The following HMCN2 variants were observed in gnomAD, a reference collection of about 807,000 sequenced individuals.
HMCN2 encodes the protein hemicentin-2.
In HMCN2, 325 loss-of-function variants were observed where a neutral mutation model predicts 377.5. The observed-to-expected ratio is 0.86, with a 90% CI of 0.79 to 0.94. The LOEUF (loss-of-function observed/expected upper bound fraction) is 0.94, where lower values mean the gene tolerates loss of function less well. Among genes scored for constraint, HMCN2 ranks in the 40% least tolerant of loss-of-function variants. The probability of loss-of-function intolerance (pLI) is 0.00; values close to 1 mark genes in which losing one functional copy is unlikely to be tolerated. For missense variants in HMCN2, 4,543 were observed against 4,725.3 expected (o/e 0.96, Z 1.13); for synonymous variants, 2,007 against 2,046.8 (o/e 0.98, Z 0.53).
rs926449560 is a variant in HMCN2, at chr9:130,273,658, C to A, written c.259+7521C>A. 2.0e-5 allele frequency among the ~76,000 whole-genome samples: 3 copies of A among 152,188 alleles called. No homozygotes were observed. In the South Asian group the frequency reaches 6.2e-4, roughly 31 times the overall value. ...TATTATAGGCATGCGCCACCATGCC[C>A]AGCTAATTTTCGTATCTTTAGTAGA... On this transcript the variant is annotated intron_variant, in intron 1 of 97. Transcript: ENST00000683500.
intron 15 of HMCN2, 75 bp downstream of exon 15, chr9:130,310,136 G>A: frequency 2.3e-6 from 1 of 428,878 alleles, no homozygotes; most frequent in East Asian, 6.5e-5. Flanking sequence ...TGAGTAGGGA[G>A]GGGAAGCTCT....
rs1554932312 is a variant in HMCN2 at position 130,296,766 on chromosome 9, C to G, written c.984C>G (p.Leu328=). The change falls in exon 7 of 98, where the codon CTC becomes CTG. Residue 328 remains leucine (L), a synonymous_variant. Transcript: ENST00000683500. The part of the protein sequence containing the change: ...AGFSTQPLLD[L]NHTLEWPLQG... The stretch of plus-strand genomic sequence containing the variant: ...TCTCCACTCAGCCCTTGCTGGACCT[C>G]AACCACACCCTCGAGTGGCCCTTGC... 1 of 471,142 alleles carries G rather than the reference C, an allele frequency of 2.1e-6. No homozygotes were observed. The highest frequency in any genetic ancestry group is 2.0e-5 in the African/African-American group (1 of 50,096). The allele number at this position is 471,142 out of a possible 1,614,324, so 29.2% of individuals were successfully genotyped here.
chr9:130,354,709 G>A (rs1839926388), intron 31 of HMCN2, 54 bp from the exon 32 acceptor site: 5 of 1,241,622 alleles, frequency 4.0e-6, no homozygotes, highest in Non-Finnish European at 5.2e-6. Flanking sequence ...GCTGAGATGA[G>A]AGCAGGCTAG....
At chr9:130,341,766 A>C (rs1243800260) in intron 24 of HMCN2, among the ~76,000 whole-genome samples, 1 of 152,148 alleles carries the variant, frequency 6.6e-6, no homozygotes, top group East Asian at 1.9e-4. Context: ...CGGTTTTCTC[A>C]CCTGCAAAGT....
Position 130,354,933 on chromosome 9 carries a change from G to C in HMCN2, c.5035G>C (p.Gly1679Arg). The C allele has an allele frequency of 7.7e-7, 1 of 1,303,736 alleles. No individual in the cohort carries two copies. Among genetic ancestry groups the C allele is most frequent in the Non-Finnish European group, 1.0e-6 (1 of 988,936 alleles). The allele number at this position is 1,303,736 out of a possible 1,614,324, so 80.8% of individuals were successfully genotyped here. A position where few individuals can be genotyped will look rare whatever the true frequency, so the allele number is the denominator to read the frequency against. ...CAACGAGTCGCGGCTGGAGACAGAC[G>C]GGAGTGTGCTGAGGCTGGAGAGCCC... ...ESNESRLETDGSVLRLESPGE... is the reference protein window; with the variant it reads ...ESNESRLETDRSVLRLESPGE... The change falls in exon 32 of 98, where the codon GGG becomes CGG. Residue 1679 changes from glycine to arginine, a missense_variant. Coordinates refer to ENST00000683500, the MANE Select transcript of HMCN2 (RefSeq NM_001291815.2).
intron 97 of HMCN2, 92 bp downstream of exon 97, chr9:130,432,647 C>T: frequency 7.4e-7 from 1 of 1,353,250 alleles, no homozygotes; most frequent in Non-Finnish European, 1.0e-6. Flanking sequence ...TTGTCACTCC[C>T]CACACAAGTG....
At chr9:130,317,987 A>G (rs951959333) in intron 15 of HMCN2, among the ~76,000 whole-genome samples, 142,955 of 151,952 alleles carry the variant, frequency 0.94, 67,867 homozygotes, top group East Asian at 1. Flanking sequence ...GTTCTGCTCC[A>G]GGTAGGTGAG....
rs576558496 is a variant in HMCN2 at position 130,400,044 on chromosome 9, CTCAGCTT to C, written c.11605+413_11605+419del. 6.1e-4 allele frequency among the ~76,000 whole-genome samples: 93 copies of C among 152,368 alleles called. 1 individual carries two copies. Among genetic ancestry groups the C allele is most frequent in the Admixed American group, 4.8e-3 (73 of 15,310 alleles). Reference sequence around the variant, plus strand: ...CTCATTCCAGGGTCTAATCAAGCTGCTCAGCTTCTTGTTTCTTGCCTCAAGGGGTTTG... The same window carrying C: ...CTCATTCCAGGGTCTAATCAAGCTGCCTTGTTTCTTGCCTCAAGGGGTTTG... On this transcript the variant is annotated intron_variant, in intron 76 of 97. Transcript: ENST00000683500.
At chr9:130,274,092 G>A (rs902084352) in intron 1 of HMCN2, among the ~76,000 whole-genome samples, 9 of 148,806 alleles carry the variant, frequency 6.0e-5, no homozygotes, top group Admixed American at 2.7e-4. Flanking sequence ...TCACTCTGTC[G>A]CCCAGGCTGG....
chr9:130,295,819 C>A, intron 6 of HMCN2, 47 bp downstream of exon 6: 1 of 462,260 alleles, frequency 2.2e-6, no homozygotes, highest in Middle Eastern at 3.3e-4. Context: ...CTTTACTGGG[C>A]TGGAACCATC....
chr9:130,420,803 C>G (rs529113655), intron 86 of HMCN2, among the ~76,000 whole-genome samples: 20 of 152,118 alleles, frequency 1.3e-4, no homozygotes, highest in Non-Finnish European at 2.5e-4. Flanking sequence ...TATAAAGACC[C>G]TATCTTCAAA....
chr9:130,424,183 T>A (rs1386674605), intron 87 of HMCN2, among the ~76,000 whole-genome samples: 18 of 145,182 alleles, frequency 1.2e-4, no homozygotes, highest in South Asian at 4.4e-4. Flanking sequence ...TTTTTTTTTT[T>A]AATTTTTTTT....
intron 77 of HMCN2, among the ~76,000 whole-genome samples, chr9:130,402,568 C>T (rs1342262115): frequency 6.6e-6 from 1 of 152,294 alleles, no homozygotes; most frequent in African/African-American, 2.4e-5. Flanking sequence ...AACTGAGGTC[C>T]AGAGAGTGGA....
At chr9:130,309,638 GC>G (rs1837109707) in intron 14 of HMCN2, among the ~76,000 whole-genome samples, 1 of 151,278 alleles carries the variant, frequency 6.6e-6, no homozygotes, top group East Asian at 1.9e-4. Flanking sequence ...GTGGACACCA[GC>G]GGGGGGGGTC....
rs963059416 is a variant in HMCN2, at chr9:130,428,594, G to A, written c.14197+105G>A. ...GTGTCACTGGGCTCTGGGCTTCCAG[G>A]AAGACTGGGACTCTTGGCAGAAGGA... On this transcript the variant is annotated intron_variant, in intron 93 of 97. Transcript: ENST00000683500. The surrounding 1 kb of genome is among the most constrained non-coding windows in gnomAD (Gnocchi z 5.0). 1.4e-6 allele frequency: 2 copies of A among 1,418,550 alleles called. No individual in the cohort carries two copies. The highest frequency in any genetic ancestry group is 1.4e-5 in the South Asian group (1 of 73,376). The allele number at this position is 1,418,550 out of a possible 1,614,324, so 87.9% of individuals were successfully genotyped here. A position where few individuals can be genotyped will look rare whatever the true frequency, so the allele number is the denominator to read the frequency against.
intron 22 of HMCN2, among the ~76,000 whole-genome samples, chr9:130,333,237 G>A (rs1355337447): frequency 2.0e-5 from 3 of 152,218 alleles, no homozygotes; most frequent in African/African-American, 4.8e-5. Context: ...AATGACAGGC[G>A]TGGTAAACTG....
chr9:130,381,300 C>CA (rs992375457), intron 54 of HMCN2, among the ~76,000 whole-genome samples: 14 of 152,286 alleles, frequency 9.2e-5, no homozygotes, highest in African/African-American at 3.4e-4. Context: ...TCTGAGCACA[C>CA]AGTAACCCTA....
chr9:130,401,784 T>C (rs1213770319), intron 77 of HMCN2, among the ~76,000 whole-genome samples: 1 of 151,920 alleles, frequency 6.6e-6, no homozygotes, highest in Non-Finnish European at 1.5e-5. Flanking sequence ...CAATAGAACT[T>C]CCTTCCAGGC....
At chr9:130,267,432 TAA>T (rs1303089726) in intron 1 of HMCN2, among the ~76,000 whole-genome samples, 1 of 101,376 alleles carries the variant, frequency 9.9e-6, no homozygotes, top group Non-Finnish European at 2.0e-5. Flanking sequence ...CCCCCCCAAA[TAA>T]AACACACACA....
Sources: allele counts gnomAD v4.1 joint callset (sites outside exome capture counted in the v4.1 genomes callset), GRCh38; gene constraint gnomAD v4.1.1; non-coding constraint Gnocchi (gnomAD v3.1); transcripts MANE v1.5; gene names NCBI Gene and HGNC (gene_info 2026-07-23, HGNC 2026-07-21).